The following KDF1 variants were observed in gnomAD, a reference collection of about 807,000 sequenced individuals.
KDF1 encodes the protein keratinocyte differentiation factor 1.
Under a neutral mutation model 31.6 loss-of-function variants are expected in KDF1, and 11 were observed. That is an observed-to-expected ratio of 0.35 (90% confidence interval 0.22 to 0.58). The LOEUF (loss-of-function observed/expected upper bound fraction) is 0.58. KDF1 is among the 20% of genes least tolerant of loss of function. The pLI is 0.83. For synonymous variants in KDF1, 205 were observed against 214.4 expected, an observed-to-expected ratio of 0.96 and a Z score of 0.38; for missense variants, 476 against 549.1, an observed-to-expected ratio of 0.87 and a Z score of 1.33.
Position 26,950,118 on chromosome 1 carries a change from C to T in KDF1, c.1148G>A (p.Gly383Asp), listed in dbSNP as rs144075796. ...YPASHDSSFQ[G>D]TDTDSSGAPL... ...TGCCCCCGACGAGTCTGTGTCGGTG[C>T]CCTGGAAGGATGAGTCATGGCTTGC... Residue 383 changes from glycine to aspartate, a missense_variant, in exon 4 of 4, where the codon GGC becomes GAC. By Grantham distance (94) the Gly-to-Asp change is moderately conservative. Transcript: ENST00000320567. This position sits in a 1 kb window ranked among gnomAD's most constrained non-coding sequence, Gnocchi z 4.0. The T allele has an allele frequency of 1.9e-5, 30 of 1,613,714 alleles. No homozygotes were observed. Among genetic ancestry groups the T allele is most frequent in the Non-Finnish European group, 2.0e-5 (24 of 1,179,832 alleles).
chr1:26,955,358 A>G (rs1300254669), intron 1 of KDF1, among the ~76,000 whole-genome samples: 1 of 152,100 alleles, frequency 6.6e-6, no homozygotes. Flanking sequence ...GGTCCTTCAA[A>G]TCAGATATGG....
rs2082355600 is a variant in KDF1, at chr1:26,952,275, GC to G, written c.105del (p.Gln35HisfsTer213). On this transcript the variant is annotated frameshift_variant, in exon 2 of 4. Coordinates refer to ENST00000320567, the MANE Select transcript of KDF1 (RefSeq NM_152365.3). LOFTEE classifies it high-confidence loss of function. The surrounding 1 kb of genome is among the most constrained non-coding windows in gnomAD (Gnocchi z 4.1). Reference protein sequence around the residue: ...LCLETYDKPPQPPPSRRTRRP... With the variant: ...LCLETYDKPPXPPPSRRTRRP... ...CTACGGGTGCGGCGGCTTGGTGGGG[GC>G]TGAGGTGGTTTATCATATGTCTCCA... 1 of 1,569,330 alleles carries G rather than the reference GC, an allele frequency of 6.4e-7. No homozygotes were observed. Among genetic ancestry groups the G allele is most frequent in the African/African-American group, 1.4e-5 (1 of 73,744 alleles).
intron 1 of KDF1, among the ~76,000 whole-genome samples, chr1:26,954,034 A>C (rs2082365490): frequency 6.6e-6 from 1 of 151,926 alleles, no homozygotes; most frequent in Admixed American, 6.6e-5. Context: ...ATAGAGACAC[A>C]AAGTAGAATG....
In KDF1 at chr1:26,951,838, G is replaced by A; in HGVS notation, c.543C>T (p.Ala181=). ...VYPYPRATSP[A]PDADSCCKEP... is the part of the protein sequence containing the mutation. Reference sequence around the variant, plus strand: ...CCTTGCAGCAGGAGTCCGCATCAGGGGCTGGGGAGGTGGCCCTCGGGTAGG... The same window carrying A: ...CCTTGCAGCAGGAGTCCGCATCAGGAGCTGGGGAGGTGGCCCTCGGGTAGG... The change falls in exon 2 of 4, where the codon GCC becomes GCT. Residue 181 remains alanine (A), a synonymous_variant. Transcript: ENST00000320567. The surrounding 1 kb of genome is among the most constrained non-coding windows in gnomAD (Gnocchi z 5.4). 4 of 1,614,110 alleles carry A rather than the reference G, an allele frequency of 2.5e-6. No individual in the cohort carries two copies. The highest frequency in any genetic ancestry group is 3.4e-6 in the Non-Finnish European group (4 of 1,180,016).
intron 1 of KDF1, among the ~76,000 whole-genome samples, chr1:26,956,243 C>CT (rs2082376872): frequency 1.3e-5 from 2 of 152,230 alleles, no homozygotes; most frequent in Admixed American, 6.5e-5. Flanking sequence ...AGTTCCAGTT[C>CT]TGGCCCTAAT....
At position 26,952,755 on chromosome 1, in the gene KDF1, CA is replaced by C. The variant is rs1230366555; in HGVS notation, c.-32-344del. On this transcript the variant is annotated intron_variant, in intron 1 of 3. Transcript: ENST00000320567. The surrounding 1 kb of genome is among the most constrained non-coding windows in gnomAD (Gnocchi z 4.1). ...CAGCACTTTGGGAGGCCGAGGCAGG[CA>C]GATCACCTGAGGTCAGGAGTTCGAG... 6.6e-6 allele frequency among the ~76,000 whole-genome samples: 1 copy of C among 151,974 alleles called. No individual in the cohort carries two copies. Among genetic ancestry groups the C allele is most frequent in the African/African-American group, 2.4e-5 (1 of 41,362 alleles).
intron 1 of KDF1, among the ~76,000 whole-genome samples, chr1:26,958,438 G>T (rs894237634): frequency 6.6e-6 from 1 of 152,100 alleles, no homozygotes; most frequent in African/African-American, 2.4e-5. Context: ...CGGCCTAGCT[G>T]TTCTAAATTC....
In KDF1 at chr1:26,952,178, G is replaced by A; in HGVS notation, c.203C>T (p.Ala68Val). The A allele has an allele frequency of 6.2e-7, 1 of 1,613,396 alleles. No homozygotes were observed. Among genetic ancestry groups the A allele is most frequent in the Non-Finnish European group, 8.5e-7 (1 of 1,179,754 alleles). The change falls in exon 2 of 4, where the codon GCC (alanine) becomes GTC (valine). Residue 68 changes from alanine (A) to valine (V), a missense_variant. This residue lies in a region of KDF1 where 330 missense variants were observed against 332.3 expected (regional missense o/e 0.99). Coordinates refer to ENST00000320567, the MANE Select transcript of KDF1 (RefSeq NM_152365.3). This position sits in a 1 kb window ranked among gnomAD's most constrained non-coding sequence, Gnocchi z 4.1. ...CAGGCAGCAGGTGGGGGACTCAAGG[G>A]CCGGCTCAGCAGAGCCAGAGATGAA... The part of the protein sequence containing the change: ...ITFISGSAEP[A>V]LESPTCCLLW...
rs967156085 is a variant in KDF1, at chr1:26,960,040, C to G, written c.-33+310G>C. Reference sequence around the variant, plus strand: ...CCGCGGGCGGACCCAGCCTCCCTCCCGTCCCGACGCTGTTCCTCGGGGTGA... The same window carrying G: ...CCGCGGGCGGACCCAGCCTCCCTCCGGTCCCGACGCTGTTCCTCGGGGTGA... On this transcript the variant is annotated intron_variant, in intron 1 of 3. Transcript: ENST00000320567. The surrounding 1 kb of genome is among the most constrained non-coding windows in gnomAD (Gnocchi z 4.9). Among the ~76,000 whole-genome samples the G allele has an allele frequency of 1.3e-5, 2 of 152,204 alleles. No individual in the cohort carries two copies. The highest frequency in any genetic ancestry group is 2.9e-5 in the Non-Finnish European group (2 of 68,020).
Position 26,960,335 on chromosome 1 carries a change from C to T in KDF1, c.-33+15G>A, listed in dbSNP as rs1394740908. 6.6e-6 allele frequency: 1 copy of T among 152,222 alleles called. No individual in the cohort carries two copies. The highest frequency in any genetic ancestry group is 2.4e-5 in the African/African-American group (1 of 41,458). 9.4% of individuals were successfully genotyped at this position (152,222 alleles called of 1,614,324 possible). A position where few individuals can be genotyped will look rare whatever the true frequency, so the allele number is the denominator to read the frequency against. Reference sequence around the variant, plus strand: ...CGCCCTGGCTTGCGCCCCCCTGGGCCCGCGCCGGGCTTACCTGTCCCGCCA... The same window carrying T: ...CGCCCTGGCTTGCGCCCCCCTGGGCTCGCGCCGGGCTTACCTGTCCCGCCA... On this transcript the variant is annotated intron_variant, in intron 1 of 3. Transcript: ENST00000320567. This position sits in a 1 kb window ranked among gnomAD's most constrained non-coding sequence, Gnocchi z 4.9.
chr1:26,950,151 C>G lies in KDF1; in HGVS notation c.1115G>C (p.Gly372Ala). Residue 372 changes from glycine (G) to alanine (A), a missense_variant and splice_region_variant, in exon 4 of 4, where the codon GGG becomes GCG. Physicochemically the swap from Gly to Ala is moderately conservative, Grantham distance 60. Transcript: ENST00000320567. The surrounding 1 kb of genome is among the most constrained non-coding windows in gnomAD (Gnocchi z 4.0). ...ARKLRPYGAPGYPASHDSSFQ... is the reference protein window; with the variant it reads ...ARKLRPYGAPAYPASHDSSFQ... Reference sequence around the variant, plus strand: ...GGATGAGTCATGGCTTGCTGGGTACCCTGGTAGGAAGGAGAGGAGAGGAGG... The same window carrying G: ...GGATGAGTCATGGCTTGCTGGGTACGCTGGTAGGAAGGAGAGGAGAGGAGG... 1.9e-6 allele frequency: 3 copies of G among 1,613,258 alleles called. No individual in the cohort carries two copies. The highest frequency in any genetic ancestry group is 2.5e-6 in the Non-Finnish European group (3 of 1,179,428).
At position 26,949,953 on chromosome 1, in the gene KDF1, C is replaced by A; in HGVS notation, c.*116G>T. 2 of 1,028,940 alleles carry A rather than the reference C, an allele frequency of 1.9e-6. No homozygotes were observed. Among genetic ancestry groups the A allele is most frequent in the Admixed American group, 2.2e-5 (1 of 45,626 alleles). 63.7% of individuals were successfully genotyped at this position (1,028,940 alleles called of 1,614,324 possible). ...ACCCAGTCAGCCAAGGCAGGAGGAG[C>A]CAGAGTGGGCACTGCTTCAGGTCTA... On this transcript the variant is annotated 3_prime_UTR_variant, in exon 4 of 4. Coordinates refer to ENST00000320567, the MANE Select transcript of KDF1 (RefSeq NM_152365.3).
In KDF1 at chr1:26,949,811, G is replaced by C. The variant is rs1277082612; in HGVS notation, c.*258C>G. 1 of 442,900 alleles carries C rather than the reference G, an allele frequency of 2.3e-6. No homozygotes were observed. The highest frequency in any genetic ancestry group is 4.2e-6 in the Non-Finnish European group (1 of 239,510). 27.4% of individuals were successfully genotyped at this position (442,900 alleles called of 1,614,324 possible). A position where few individuals can be genotyped will look rare whatever the true frequency, so the allele number is the denominator to read the frequency against. ...TAATGCCTAACTCCTTACTTTCCATGATCAGGCCACCTGAAGACCATGAGC... is the reference window on the plus strand; with the variant it reads ...TAATGCCTAACTCCTTACTTTCCATCATCAGGCCACCTGAAGACCATGAGC... On this transcript the variant is annotated 3_prime_UTR_variant, in exon 4 of 4. Coordinates refer to ENST00000320567, the MANE Select transcript of KDF1 (RefSeq NM_152365.3).
chr1:26,950,276 T>C lies in KDF1; in HGVS notation c.1115-125A>G, dbSNP rs751542884. On this transcript the variant is annotated intron_variant, in intron 3 of 3. Transcript: ENST00000320567. This position sits in a 1 kb window ranked among gnomAD's most constrained non-coding sequence, Gnocchi z 4.0. ...ACTTGAGCCTGGGTCAGTCTGATCC[T>C]GGCTGGATGACCCACTCAGTTTATT... is the stretch of plus-strand genomic sequence containing the variant. The C allele has an allele frequency of 1.2e-6, 1 of 839,944 alleles. No individual in the cohort carries two copies. Among genetic ancestry groups the C allele is most frequent in the Non-Finnish European group, 2.0e-6 (1 of 508,662 alleles). 52.0% of individuals were successfully genotyped at this position (839,944 alleles called of 1,614,324 possible).
intron 1 of KDF1, among the ~76,000 whole-genome samples, chr1:26,956,766 A>G (rs1299463225): frequency 6.6e-6 from 1 of 152,226 alleles, no homozygotes; most frequent in Non-Finnish European, 1.5e-5. Flanking sequence ...TTCTTAGGAA[A>G]CATACATTGA....
Position 26,950,168 on chromosome 1 carries a change from G to A in KDF1, c.1115-17C>T, listed in dbSNP as rs1203291016. On this transcript the variant is annotated splice_polypyrimidine_tract_variant and intron_variant, in intron 3 of 3. Transcript: ENST00000320567. This position sits in a 1 kb window ranked among gnomAD's most constrained non-coding sequence, Gnocchi z 4.0. ...CTGGGTACCCTGGTAGGAAGGAGAG[G>A]AGAGGAGGAAACAGGCTCAGGGGAA... 3 of 1,607,322 alleles carry A rather than the reference G, an allele frequency of 1.9e-6. No individual in the cohort carries two copies. Among genetic ancestry groups the A allele is most frequent in the Non-Finnish European group, 2.6e-6 (3 of 1,174,050 alleles).
Position 26,958,365 on chromosome 1 carries a change from C to T in KDF1, c.-33+1985G>A, listed in dbSNP as rs778244211. ...TAGTCAGGATGGTCTGATCTCCTGACCTCGTGATCCACCCACCTCGGCCTC... is the reference window on the plus strand; with the variant it reads ...TAGTCAGGATGGTCTGATCTCCTGATCTCGTGATCCACCCACCTCGGCCTC... On this transcript the variant is annotated intron_variant, in intron 1 of 3. Transcript: ENST00000320567. Among the ~76,000 whole-genome samples, 22 of 152,012 alleles carry T rather than the reference C, an allele frequency of 1.4e-4. No homozygotes were observed. The South Asian group carries it at 1.9e-3, about 13-fold the overall frequency.
Position 26,951,359 on chromosome 1 carries a change from G to A in KDF1, c.1022C>T (p.Ser341Leu). The A allele has an allele frequency of 6.3e-7, 1 of 1,582,888 alleles. No individual in the cohort carries two copies. The highest frequency in any genetic ancestry group is 8.6e-7 in the Non-Finnish European group (1 of 1,160,324). The change falls in exon 2 of 4, where the codon TCA becomes TTA. Residue 341 changes from serine to leucine, a missense_variant. Physicochemically the swap from Ser to Leu is moderately radical, Grantham distance 145. This residue lies in a region of KDF1 where 146 missense variants were observed against 216.8 expected (regional missense o/e 0.67). Transcript: ENST00000320567. The surrounding 1 kb of genome is among the most constrained non-coding windows in gnomAD (Gnocchi z 5.4). ...PDSGHETMVG[S>L]GLSQDELTVQ... The stretch of plus-strand genomic sequence containing the variant: ...CCACCTACCATCCTGGCTGAGACCT[G>A]AGCCCACCATGGTCTCATGGCCACT...
chr1:26,954,608 G>A (rs1191060106), intron 1 of KDF1, among the ~76,000 whole-genome samples: 1 of 150,982 alleles, frequency 6.6e-6, no homozygotes, highest in South Asian at 2.1e-4. Flanking sequence ...TGAGGTGGGC[G>A]GATGATTTGA....
Sources: gnomAD v4.1 joint callset for allele counts (sites outside exome capture counted in the v4.1 genomes callset) on GRCh38, gnomAD v4.1.1 for gene constraint, gnomAD v4.1.1 regional missense constraint, Gnocchi (gnomAD v3.1) non-coding constraint, MANE v1.5 for transcripts, NCBI Gene and HGNC (gene_info 2026-07-23, HGNC 2026-07-21) for gene names.